CNTRL: variants seen among roughly 807,000 people sequenced by gnomAD.
The protein encoded by CNTRL is centriolin, also known as 110 kDa centrosomal protein.
In CNTRL, 233 loss-of-function variants were observed where a neutral mutation model predicts 303.7. That is an observed-to-expected ratio of 0.77 (90% CI 0.69 to 0.86). CNTRL has a LOEUF of 0.86. Among genes scored for constraint, CNTRL ranks in the 40% least tolerant of loss-of-function variants. The pLI is 0.00. For synonymous variants in CNTRL, 900 were observed against 922.2 expected (o/e 0.98, Z 0.44); for missense variants, 2,524 against 2,650.6 (o/e 0.95, Z 1.05).
At chr9:121,121,687 C>T in intron 12 of CNTRL, 3 of 634,618 alleles carry the variant, frequency 4.7e-6, no homozygotes, top group Non-Finnish European at 5.9e-6. Context: ...CCCCTGGGAG[C>T]TTCCTGTGTT....
At position 121,092,702 on chromosome 9, in the gene CNTRL, CTA is replaced by C. The variant is rs1298721184; in HGVS notation, c.349-2177_349-2176del. On this transcript the variant is annotated intron_variant, in intron 4 of 43. Transcript: ENST00000373855. ...ATATATCTATATATATAATATATATCTATATATATAATATATATCTATATATA... is the reference window on the plus strand; with the variant it reads ...ATATATCTATATATATAATATATATCTATATATAATATATATCTATATATA... Among the ~76,000 whole-genome samples the C allele has an allele frequency of 9.4e-4, 26 of 27,730 alleles. 10 individuals carry two copies. The highest frequency in any genetic ancestry group is 6.7e-3 in the Admixed American group (8 of 1,200). The allele number at this position is 27,730 out of a possible 152,430, so 18.2% of individuals were successfully genotyped here.
At chr9:121,128,094 G>A (rs1181054634) in intron 14 of CNTRL, among the ~76,000 whole-genome samples, 3 of 152,066 alleles carry the variant, frequency 2.0e-5, no homozygotes, top group Non-Finnish European at 2.9e-5. Context: ...GAATAGTGCC[G>A]CAATAAACAC....
chr9:121,167,763 A>C, intron 37 of CNTRL, 86 bp downstream of exon 37: 1 of 1,182,018 alleles, frequency 8.5e-7, no homozygotes, highest in Non-Finnish European at 1.2e-6. Context: ...GCTGCTGAGA[A>C]ATATCCCCAA....
intron 7 of CNTRL, among the ~76,000 whole-genome samples, chr9:121,106,649 T>C (rs1026693422): frequency 2.6e-5 from 4 of 152,112 alleles, no homozygotes; most frequent in African/African-American, 9.7e-5. Context: ...AGGTATCAAA[T>C]AGCCAATTTA....
intron 6 of CNTRL, 37 bp from the exon 7 acceptor site, chr9:121,098,344 TTTAAA>T (rs2048979231): frequency 2.9e-6 from 4 of 1,396,418 alleles, no homozygotes; most frequent in East Asian, 2.3e-5. Context: ...TGTTATGATT[TTTAAA>T]TTAAATTATA....
chr9:121,141,808 C>A (rs1196732850), intron 18 of CNTRL, among the ~76,000 whole-genome samples: 1 of 152,142 alleles, frequency 6.6e-6, no homozygotes, highest in Non-Finnish European at 1.5e-5. Context: ...GATTTAGAAG[C>A]AAAGGCAAGT....
intron 1 of CNTRL, among the ~76,000 whole-genome samples, chr9:121,077,418 A>G (rs1446391189): frequency 6.6e-6 from 1 of 152,042 alleles, no homozygotes; most frequent in Non-Finnish European, 1.5e-5. Flanking sequence ...GTAGCCTAAG[A>G]AATAATGCCA....
intron 3 of CNTRL, among the ~76,000 whole-genome samples, chr9:121,089,637 A>T (rs1043730186): frequency 1.3e-5 from 2 of 152,188 alleles, no homozygotes; most frequent in African/African-American, 4.8e-5. Flanking sequence ...TAAGAATTTC[A>T]GTGTTTCTGA....
chr9:121,150,677 C>T (rs974593324), intron 25 of CNTRL, 194 bp downstream of exon 25: 7 of 590,772 alleles, frequency 1.2e-5, no homozygotes, highest in South Asian at 4.4e-5. Flanking sequence ...GCCTATAATC[C>T]GAGCTACTCA....
rs965530430 is a variant in CNTRL at position 121,095,617 on chromosome 9, T to C, written c.479+599T>C. The stretch of plus-strand genomic sequence containing the variant: ...TCCCCCAAGTTAGACTTGGTAAATA[T>C]GATGGCCAAGAAAATGACTAGCAAT... On this transcript the variant is annotated intron_variant, in intron 5 of 43. Transcript: ENST00000373855. Among the ~76,000 whole-genome samples, 5 of 152,222 alleles carry C rather than the reference T, an allele frequency of 3.3e-5. No homozygotes were observed. The East Asian group carries it at 9.6e-4, about 29-fold the overall frequency.
chr9:121,075,092 C>T (rs564246881), intron 1 of CNTRL, 25 bp downstream of exon 1: 4 of 376,990 alleles, frequency 1.1e-5, no homozygotes, highest in African/African-American at 6.3e-5. Flanking sequence ...TGGCCGAGCC[C>T]GTTCCCCGGC....
chr9:121,112,476 A>G lies in CNTRL; in HGVS notation c.1020A>G (p.Ile340Met). ...TKNELLKQKT[I>M]ELTRACQKQY... ...GCCAATAGCTAAAACAGAAGACCAT[A>G]GAATTAACACGAGCATGTCAGAAGC... The change falls in exon 9 of 44, where the codon ATA becomes ATG. Residue 340 changes from isoleucine (I) to methionine (M), a missense_variant. Coordinates refer to ENST00000373855, the MANE Select transcript of CNTRL (RefSeq NM_007018.6). 6.2e-7 allele frequency: 1 copy of G among 1,613,010 alleles called. No homozygotes were observed. The highest frequency in any genetic ancestry group is 8.5e-7 in the Non-Finnish European group (1 of 1,179,214).
At chr9:121,136,877 C>A (rs928895255) in intron 15 of CNTRL, among the ~76,000 whole-genome samples, 2 of 152,162 alleles carry the variant, frequency 1.3e-5, no homozygotes, top group African/African-American at 4.8e-5. Flanking sequence ...GGACAGGATT[C>A]TTTGGCCAAG....
intron 20 of CNTRL, 89 bp from the exon 21 acceptor site, chr9:121,144,754 T>C: frequency 2.0e-6 from 2 of 1,024,050 alleles, no homozygotes; most frequent in South Asian, 1.3e-5. Context: ...GGCAATGTGA[T>C]GAAAGCAGAA....
At chr9:121,152,810 C>T (rs1471990115) in intron 26 of CNTRL, 117 bp downstream of exon 26, 6 of 779,194 alleles carry the variant, frequency 7.7e-6, no homozygotes, top group South Asian at 5.8e-5. Flanking sequence ...ACAGTAACCA[C>T]TAGCTCAGTG....
Position 121,140,967 on chromosome 9 carries a change from A to G in CNTRL, c.2483+181A>G, listed in dbSNP as rs138697277. ...AGATTGTTTAATTTATTTGTCTGCCACTGATTGTTTTTACATTTTGGATCT... is the reference window on the plus strand; with the variant it reads ...AGATTGTTTAATTTATTTGTCTGCCGCTGATTGTTTTTACATTTTGGATCT... On this transcript the variant is annotated intron_variant, in intron 17 of 43. Coordinates refer to ENST00000373855, the MANE Select transcript of CNTRL (RefSeq NM_007018.6). 5.5e-3 allele frequency among the ~76,000 whole-genome samples: 830 copies of G among 152,286 alleles called. 10 individuals carry two copies. Among genetic ancestry groups the G allele is most frequent in the African/African-American group, 0.019 (790 of 41,554 alleles).
At chr9:121,143,440 T>C (rs2051641817) in intron 19 of CNTRL, among the ~76,000 whole-genome samples, 1 of 152,142 alleles carries the variant, frequency 6.6e-6, no homozygotes, top group African/African-American at 2.4e-5. Context: ...GTAATCAGTC[T>C]CCCCTCCTGT....
rs2053578092 is a variant in CNTRL at position 121,177,606 on chromosome 9, A to G, written c.*420A>G. 5.2e-6 allele frequency: 1 copy of G among 191,554 alleles called. No individual in the cohort carries two copies. The highest frequency in any genetic ancestry group is 2.3e-5 in the African/African-American group (1 of 42,868). 11.9% of individuals were successfully genotyped at this position (191,554 alleles called of 1,614,324 possible). A position where few individuals can be genotyped will look rare whatever the true frequency, so the allele number is the denominator to read the frequency against. On this transcript the variant is annotated 3_prime_UTR_variant, in exon 44 of 44. Coordinates refer to ENST00000373855, the MANE Select transcript of CNTRL (RefSeq NM_007018.6). ...TTTCATATGAAAATAAAAGATAACA[A>G]TCAACTTGGGTCTGTCCTCTGACTT...
At position 121,154,877 on chromosome 9, in the gene CNTRL, A is replaced by G. The variant is rs1005796590; in HGVS notation, c.4329A>G (p.Ala1443=). ...TCAGGGAAGCTGACCGACTCCTGGC[A>G]GAGGCTGAGAGTGAACTTTCATGCA... ...SELREADRLL[A]EAESELSCTK... Residue 1443 remains alanine, a synonymous_variant, in exon 27 of 44, where the codon GCA becomes GCG. Transcript: ENST00000373855. 6.2e-7 allele frequency: 1 copy of G among 1,614,216 alleles called. No individual in the cohort carries two copies. Among genetic ancestry groups the G allele is most frequent in the Middle Eastern group, 1.6e-4 (1 of 6,062 alleles).
Sources: gnomAD v4.1 joint callset for allele counts (sites outside exome capture counted in the v4.1 genomes callset) on GRCh38, gnomAD v4.1.1 for gene constraint, MANE v1.5 for transcripts, NCBI Gene and HGNC (gene_info 2026-07-23, HGNC 2026-07-21) for gene names.